The following GOLGB1 variants were observed in gnomAD, a reference collection of about 807,000 sequenced individuals.
GOLGB1 encodes the protein golgin subfamily B member 1.
In GOLGB1, 174 loss-of-function variants were observed where a neutral mutation model predicts 336.9. That is an observed-to-expected ratio of 0.52 (90% confidence interval 0.46 to 0.59). GOLGB1 has a LOEUF of 0.59. GOLGB1 is among the 20% of genes least tolerant of loss of function. The pLI, the probability that GOLGB1 is intolerant of heterozygous loss-of-function variation, is 0.00. For synonymous variants in GOLGB1, 1,208 were observed against 1,289.2 expected (o/e 0.94, Z 1.35); for missense variants, 3,331 against 3,645.3 (o/e 0.91, Z 2.22).
intron 3 of GOLGB1, 81 bp downstream of exon 3, chr3:121,729,784 G>A: frequency 2.9e-6 from 3 of 1,025,550 alleles, no homozygotes; most frequent in Non-Finnish European, 4.4e-6. Flanking sequence ...AATAATCTAA[G>A]TGGAGACAAA....
chr3:121,669,047 A>G, intron 18 of GOLGB1, 165 bp downstream of exon 18: 1 of 595,440 alleles, frequency 1.7e-6, no homozygotes, highest in Non-Finnish European at 2.8e-6. Flanking sequence ...CTTCACTGTA[A>G]TTTTTCTCAG....
At chr3:121,672,715 T>G (rs1939715670) in intron 17 of GOLGB1, among the ~76,000 whole-genome samples, 1 of 152,268 alleles carries the variant, frequency 6.6e-6, no homozygotes, top group South Asian at 2.1e-4. Flanking sequence ...TAGATCCATG[T>G]CCTGAAGCAT....
rs1940460984 is a variant in GOLGB1, at chr3:121,676,874, T to C, written c.9177+19A>G. On this transcript the variant is annotated intron_variant, in intron 17 of 21. Transcript: ENST00000614479. ...ATGGAAAAAAGAAACTGAATTCCAG[T>C]CTAACAAGAAACACTTACGTTGCTG... The C allele has an allele frequency of 6.2e-7, 1 of 1,610,704 alleles. No homozygotes were observed. Among genetic ancestry groups the C allele is most frequent in the African/African-American group, 1.3e-5 (1 of 74,814 alleles).
intron 20 of GOLGB1, among the ~76,000 whole-genome samples, 193 bp from the exon 21 acceptor site, chr3:121,665,224 C>T (rs1938441926): frequency 6.6e-6 from 1 of 152,208 alleles, no homozygotes; most frequent in Admixed American, 6.5e-5. Context: ...CAAAATGTGA[C>T]AATAACTATC....
intron 14 of GOLGB1, among the ~76,000 whole-genome samples, chr3:121,689,358 C>T (rs1458806596): frequency 6.6e-6 from 1 of 152,064 alleles, no homozygotes; most frequent in Non-Finnish European, 1.5e-5. Flanking sequence ...TACCCCCAAC[C>T]CTGTGCTCTC....
chr3:121,690,587 G>A, intron 14 of GOLGB1, 83 bp downstream of exon 14: 2 of 692,432 alleles, frequency 2.9e-6, no homozygotes, highest in Non-Finnish European at 4.5e-6. Flanking sequence ...ATAAGAATGT[G>A]TTTATCCTTT....
chr3:121,719,551 C>T (rs1945025789), intron 7 of GOLGB1, 95 bp downstream of exon 7: 1 of 866,134 alleles, frequency 1.2e-6, no homozygotes. Context: ...ACACTAACAC[C>T]AAGTGAAGAG....
intron 10 of GOLGB1, among the ~76,000 whole-genome samples, chr3:121,703,710 G>A (rs2107938623): frequency 6.6e-6 from 1 of 152,094 alleles, no homozygotes; most frequent in Middle Eastern, 3.4e-3. Context: ...ATAAAATCTT[G>A]AGAACAAAAC....
intron 1 of GOLGB1, among the ~76,000 whole-genome samples, chr3:121,740,322 T>G (rs998308168): frequency 6.6e-6 from 1 of 152,150 alleles, no homozygotes; most frequent in Non-Finnish European, 1.5e-5. Context: ...AACAACAAAG[T>G]GTATAAAAGA....
Position 121,681,868 on chromosome 3 carries a change from T to A in GOLGB1, c.8695-3A>T. On this transcript the variant is annotated splice_polypyrimidine_tract_variant and splice_region_variant and intron_variant, in intron 14 of 21. Coordinates refer to ENST00000614479, the MANE Select transcript of GOLGB1 (RefSeq NM_001366282.2). ...TGCAGATTCTTCAATTCCTTCAGCT[T>A]TAACCAAAGGGAAAGTAAAATGATT... is the stretch of plus-strand genomic sequence containing the variant. 1 of 1,585,592 alleles carries A rather than the reference T, an allele frequency of 6.3e-7. No homozygotes were observed. The highest frequency in any genetic ancestry group is 1.1e-5 in the South Asian group (1 of 89,416).
chr3:121,747,313 GTATATATGTGTATATACGTATATATGTA>G (rs1560352229), intron 1 of GOLGB1, among the ~76,000 whole-genome samples: 5 of 140,144 alleles, frequency 3.6e-5, no homozygotes, highest in African/African-American at 1.1e-4. Context: ...ATGTATATAT[GTATATATGTGTATATACGTATATATGTA>G]TATATATGTG....
At chr3:121,719,958 A>G (rs1356648154) in intron 6 of GOLGB1, among the ~76,000 whole-genome samples, 190 bp from the exon 7 acceptor site, 1 of 152,232 alleles carries the variant, frequency 6.6e-6, no homozygotes, top group Non-Finnish European at 1.5e-5. Context: ...TGCGAGAGAA[A>G]GCCTATTTTC....
At chr3:121,713,096 A>G (rs1288772839) in intron 10 of GOLGB1, among the ~76,000 whole-genome samples, 1 of 152,016 alleles carries the variant, frequency 6.6e-6, no homozygotes, top group Non-Finnish European at 1.5e-5. Context: ...CGGGAGGTCG[A>G]GGTTGCAGTG....
chr3:121,740,837 T>A (rs921621403), intron 1 of GOLGB1, among the ~76,000 whole-genome samples: 11 of 151,862 alleles, frequency 7.2e-5, no homozygotes, highest in African/African-American at 2.4e-4. Flanking sequence ...TATTTGAAAA[T>A]TTTTTTTAAA....
intron 7 of GOLGB1, 24 bp from the exon 8 acceptor site, chr3:121,718,525 T>C (rs763416554): frequency 2.8e-6 from 4 of 1,407,380 alleles, no homozygotes; most frequent in Non-Finnish European, 4.0e-6. Context: ...ATTTTAGACA[T>C]AATATGCTAA....
At position 121,699,568 on chromosome 3, in the gene GOLGB1, T is replaced by G. The variant is rs552595946; in HGVS notation, c.1593+244A>C. On this transcript the variant is annotated intron_variant, in intron 12 of 21. Coordinates refer to ENST00000614479, the MANE Select transcript of GOLGB1 (RefSeq NM_001366282.2). ...GATGATAACCCAGTATAAAAAAATGTGTTATCAAATCCCAAATTAGTAGCT... is the reference window on the plus strand; with the variant it reads ...GATGATAACCCAGTATAAAAAAATGGGTTATCAAATCCCAAATTAGTAGCT... Among the ~76,000 whole-genome samples, 9 of 152,274 alleles carry G rather than the reference T, an allele frequency of 5.9e-5. No individual in the cohort carries two copies. The South Asian group carries it at 1.7e-3, about 28-fold the overall frequency.
At chr3:121,693,013 A>T (rs1395600404) in intron 13 of GOLGB1, among the ~76,000 whole-genome samples, 1 of 152,218 alleles carries the variant, frequency 6.6e-6, no homozygotes, top group African/African-American at 2.4e-5. Context: ...GATGAGAGAC[A>T]TTATTAGTTC....
chr3:121,691,122 A>G lies in GOLGB1; in HGVS notation c.8242T>C (p.Leu2748=). Residue 2748 remains leucine (L), a synonymous_variant, in exon 14 of 22, where the codon TTG becomes CTG. Coordinates refer to ENST00000614479, the MANE Select transcript of GOLGB1 (RefSeq NM_001366282.2). ...IQSFGRSMSS[L]QNSRDHANEE... is the part of the protein sequence containing the mutation. ...TTGGCATGATCTCTACTATTTTGCAAGGAACTCATAGACCTTCCAAAAGAC... is the reference window on the plus strand; with the variant it reads ...TTGGCATGATCTCTACTATTTTGCAGGGAACTCATAGACCTTCCAAAAGAC... 3 of 1,614,040 alleles carry G rather than the reference A, an allele frequency of 1.9e-6. No individual in the cohort carries two copies. The highest frequency in any genetic ancestry group is 2.5e-6 in the Non-Finnish European group (3 of 1,179,998).
intron 1 of GOLGB1, among the ~76,000 whole-genome samples, chr3:121,747,398 T>A (rs1003397966): frequency 4.8e-5 from 7 of 146,124 alleles, no homozygotes; most frequent in African/African-American, 1.8e-4. Flanking sequence ...TATATATACA[T>A]ATATACGTAT....
Sources: gnomAD v4.1 joint callset for allele counts (sites outside exome capture counted in the v4.1 genomes callset) on GRCh38, gnomAD v4.1.1 for gene constraint, MANE v1.5 for transcripts, NCBI Gene and HGNC (gene_info 2026-07-23, HGNC 2026-07-21) for gene names.